SSPN: variants seen among roughly 807,000 people sequenced by gnomAD.
The protein encoded by SSPN is K-ras oncogene-associated protein.
In SSPN, 15 loss-of-function variants were observed where a neutral mutation model predicts 19.1. That is an observed-to-expected ratio of 0.78 (90% CI 0.52 to 1.21). The LOEUF (loss-of-function observed/expected upper bound fraction) is 1.21, where lower values mean the gene tolerates loss of function less well. Among genes scored for constraint, SSPN ranks in the 50% most tolerant of loss-of-function variants. The probability of loss-of-function intolerance (pLI) is 0.00; values close to 1 mark genes in which losing one functional copy is unlikely to be tolerated. For synonymous variants in SSPN, 147 were observed against 140.3 expected (o/e 1.05, Z -0.34); for missense variants, 291 against 314.0 (o/e 0.93, Z 0.55).
intron 1 of SSPN, among the ~76,000 whole-genome samples, chr12:26,171,746 A>G (rs1191813864): frequency 2.0e-5 from 3 of 152,228 alleles, no homozygotes; most frequent in Non-Finnish European, 2.9e-5. Context: ...TTTTAATACA[A>G]TAAGTATCAA....
chr12:26,157,017 TG>T (rs1944559778), intron 1 of SSPN, among the ~76,000 whole-genome samples: 1 of 152,176 alleles, frequency 6.6e-6, no homozygotes, highest in Non-Finnish European at 1.5e-5. Context: ...TATCATGTAT[TG>T]GGGGAAAAGG....
intron 1 of SSPN, among the ~76,000 whole-genome samples, chr12:26,165,601 T>C (rs1443511095): frequency 2.0e-5 from 3 of 152,250 alleles, no homozygotes; most frequent in African/African-American, 7.2e-5. Flanking sequence ...CAAATATTAA[T>C]TTATGATTGT....
At chr12:26,223,120 C>G (rs1945139803) in intron 1 of SSPN, among the ~76,000 whole-genome samples, 1 of 152,224 alleles carries the variant, frequency 6.6e-6, no homozygotes, top group Non-Finnish European at 1.5e-5. Context: ...CAAATCATGT[C>G]ATTCCCTGCT....
chr12:26,137,656 A>ATATTTTTTT (rs1377562695), intron 1 of SSPN, among the ~76,000 whole-genome samples: 1 of 76,434 alleles, frequency 1.3e-5, no homozygotes, highest in African/African-American at 6.6e-5. Context: ...ATATATATAT[A>ATATTTTTTT]TTTTTTTTTT....
chr12:26,124,956 T>C, intron 1 of SSPN: 1 of 696,454 alleles, frequency 1.4e-6, no homozygotes, highest in Non-Finnish European at 2.6e-6. Flanking sequence ...TCCACCGCGC[T>C]CGCACACACA....
rs74426095 is a variant in SSPN at position 26,150,281 on chromosome 12, A to G, written c.-31+28129A>G. On this transcript the variant is annotated intron_variant, in intron 1 of 2. Coordinates refer to the SSPN transcript ENST00000538142. ...GCTTTCCACAAAACCTGGTAGCACC[A>G]TCACACAGCTGGGTATTTTGACACT... is the stretch of plus-strand genomic sequence containing the variant. Among the ~76,000 whole-genome samples, 475 of 152,330 alleles carry G rather than the reference A, an allele frequency of 3.1e-3. 4 individuals carry two copies. The highest frequency in any genetic ancestry group is 0.011 in the African/African-American group (451 of 41,582).
intron 1 of SSPN, among the ~76,000 whole-genome samples, chr12:26,181,761 C>T (rs376949142): frequency 1.6e-4 from 24 of 152,228 alleles, no homozygotes; most frequent in African/African-American, 5.8e-4. Flanking sequence ...TGATGCCTGT[C>T]ATTAGAACAC....
chr12:26,211,721 G>A (rs1286389713), intron 1 of SSPN: 1 of 152,200 alleles, frequency 6.6e-6, no homozygotes, highest in Non-Finnish European at 1.5e-5. Context: ...AGCACAGTGT[G>A]TGCTGAGAAA....
intron 1 of SSPN, among the ~76,000 whole-genome samples, chr12:26,181,889 C>T (rs1209062905): frequency 1.3e-5 from 2 of 152,164 alleles, no homozygotes. Context: ...TTGATAGTTG[C>T]TTTGGAAGAC....
At chr12:26,144,023 A>G (rs1333477237) in intron 1 of SSPN, among the ~76,000 whole-genome samples, 5 of 152,204 alleles carry the variant, frequency 3.3e-5, no homozygotes, top group Admixed American at 3.3e-4. Context: ...CACTGATTCT[A>G]TATTATGGTG....
chr12:26,223,345 G>T (rs553653712), intron 1 of SSPN, among the ~76,000 whole-genome samples: 6 of 152,218 alleles, frequency 3.9e-5, no homozygotes, highest in Non-Finnish European at 7.4e-5. Flanking sequence ...CGAGTACCTG[G>T]GATTACAGGT....
intron 1 of SSPN, among the ~76,000 whole-genome samples, chr12:26,210,116 G>A (rs1352667455): frequency 2.0e-5 from 3 of 151,616 alleles, no homozygotes; most frequent in Non-Finnish European, 4.4e-5. Context: ...TCTCATCACC[G>A]AGCCTTGATA....
intron 1 of SSPN, among the ~76,000 whole-genome samples, chr12:26,142,879 A>G (rs1378586368): frequency 1.3e-5 from 2 of 152,252 alleles, no homozygotes; most frequent in Non-Finnish European, 2.9e-5. Flanking sequence ...TCATCTGTAC[A>G]TGCAATTTAG....
At chr12:26,129,841 A>G (rs569229336) in intron 1 of SSPN, among the ~76,000 whole-genome samples, 1 of 152,336 alleles carries the variant, frequency 6.6e-6, no homozygotes, top group Admixed American at 6.5e-5. Context: ...TTCTGCTGAA[A>G]TCATTTGTAT....
intron 1 of SSPN, among the ~76,000 whole-genome samples, chr12:26,159,921 C>G (rs760489747): frequency 6.6e-6 from 1 of 152,148 alleles, no homozygotes; most frequent in Non-Finnish European, 1.5e-5. Flanking sequence ...ATCAGGATCC[C>G]TTGTTAGAGA....
chr12:26,161,507 T>G (rs1176622844), intron 1 of SSPN, among the ~76,000 whole-genome samples: 1 of 152,216 alleles, frequency 6.6e-6, no homozygotes, highest in African/African-American at 2.4e-5. Flanking sequence ...TCCCCATTAA[T>G]TGGCTCTACT....
chr12:26,138,573 T>C (rs946644882), intron 1 of SSPN, among the ~76,000 whole-genome samples: 1 of 152,218 alleles, frequency 6.6e-6, no homozygotes, highest in South Asian at 2.1e-4. Flanking sequence ...TTAACTAAGG[T>C]ACTGAATTTT....
rs910981325 is a variant in SSPN at position 26,147,344 on chromosome 12, C to T, written c.-31+25192C>T. Among the ~76,000 whole-genome samples the T allele has an allele frequency of 3.3e-5, 5 of 150,402 alleles. 1 individual carries two copies. Among genetic ancestry groups the T allele is most frequent in the African/African-American group, 1.2e-4 (5 of 40,874 alleles). ...CTGTAGTACAATGGCATGATCTTGG[C>T]TCACTGCAACCTCCGCCTCCCGGTT... On this transcript the variant is annotated intron_variant, in intron 1 of 2. Coordinates refer to the SSPN transcript ENST00000538142.
intron 1 of SSPN, chr12:26,124,450 A>T: frequency 6.6e-7 from 1 of 1,508,474 alleles, no homozygotes; most frequent in Non-Finnish European, 9.2e-7. Context: ...GCAGAGCTTC[A>T]CTGTGAAATC....
Sources: gnomAD v4.1 joint callset for allele counts (sites outside exome capture counted in the v4.1 genomes callset) on GRCh38, gnomAD v4.1.1 for gene constraint, MANE v1.5 for transcripts, NCBI Gene and HGNC (gene_info 2026-07-23, HGNC 2026-07-21) for gene names.